GCNT2: variants seen among roughly 807,000 people sequenced by gnomAD.
GCNT2 encodes glucosaminyl (N-acetyl) transferase 2 (I blood group), also known as N-acetyllactosaminide beta-1,6-N-acetylglucosaminyl-transferase.
Under a neutral mutation model 34.2 loss-of-function variants are expected in GCNT2, and 34 were observed. The observed-to-expected ratio is 1.00, with a 90% confidence interval of 0.76 to 1.32. The LOEUF (loss-of-function observed/expected upper bound fraction) is 1.32, where lower values mean the gene tolerates loss of function less well. Among genes scored for constraint, GCNT2 ranks in the 40% most tolerant of loss-of-function variants. The pLI is 0.00. For missense variants in GCNT2, 584 were observed against 489.4 expected (o/e 1.19, Z -1.82); for synonymous variants, 212 against 188.0 (o/e 1.13, Z -1.04).
intron 3 of GCNT2, among the ~76,000 whole-genome samples, chr6:10,591,296 G>T (rs2127418734): frequency 6.6e-6 from 1 of 152,308 alleles, no homozygotes; most frequent in Admixed American, 6.5e-5. Context: ...GAATGTGCTG[G>T]AGAGTTCTGA....
At chr6:10,607,693 A>G (rs1765384049) in intron 3 of GCNT2, among the ~76,000 whole-genome samples, 1 of 111,018 alleles carries the variant, frequency 9.0e-6, no homozygotes, top group Admixed American at 8.9e-5. Flanking sequence ...CCTAACTTAC[A>G]GACATTTGGG....
chr6:10,534,139 CT>C (rs1165680323), intron 3 of GCNT2, among the ~76,000 whole-genome samples: 1 of 123,152 alleles, frequency 8.1e-6, no homozygotes, highest in Admixed American at 8.8e-5. Flanking sequence ...TTCCATGCTG[CT>C]CTTTTTTTTT....
At chr6:10,586,678 A>C (rs748518634) in intron 3 of GCNT2, 17 of 1,614,046 alleles carry the variant, frequency 1.1e-5, no homozygotes, top group Non-Finnish European at 1.4e-5. Context: ...AAGCGAACTA[A>C]ATATGTCCAC....
chr6:10,565,373 T>C (rs1301545155), intron 3 of GCNT2, among the ~76,000 whole-genome samples: 1 of 152,124 alleles, frequency 6.6e-6, no homozygotes, highest in African/African-American at 2.4e-5. Context: ...GGAGTCAAGC[T>C]GGTGGGATCA....
At chr6:10,535,747 C>T (rs1425377293) in intron 3 of GCNT2, among the ~76,000 whole-genome samples, 1 of 152,126 alleles carries the variant, frequency 6.6e-6, no homozygotes, top group Non-Finnish European at 1.5e-5. Context: ...ACAGCCTTTC[C>T]TGGGAGCAGG....
intron 3 of GCNT2, among the ~76,000 whole-genome samples, chr6:10,580,270 C>CGGGGGGG (rs1764011510): frequency 6.7e-6 from 1 of 150,092 alleles, no homozygotes; most frequent in African/African-American, 2.5e-5. Flanking sequence ...TGCCAGGGGT[C>CGGGGGGG]AGGGGGGTGG....
chr6:10,591,997 T>C (rs1244786174), intron 3 of GCNT2, among the ~76,000 whole-genome samples: 1 of 152,214 alleles, frequency 6.6e-6, no homozygotes, highest in Non-Finnish European at 1.5e-5. Flanking sequence ...TGAATTCAGT[T>C]TCTAGGACCA....
chr6:10,524,653 T>C (rs1761102764), intron 1 of GCNT2, among the ~76,000 whole-genome samples: 1 of 151,920 alleles, frequency 6.6e-6, no homozygotes. Flanking sequence ...GGTTGTCTTT[T>C]TGAAAAAGGA....
intron 3 of GCNT2, among the ~76,000 whole-genome samples, chr6:10,538,860 T>C (rs2113571421): frequency 6.6e-6 from 1 of 152,282 alleles, no homozygotes; most frequent in African/African-American, 2.4e-5. Context: ...AATATTCTGT[T>C]GCTCCTTTAG....
chr6:10,601,950 A>AC (rs1268968832), intron 3 of GCNT2, among the ~76,000 whole-genome samples: 1 of 148,962 alleles, frequency 6.7e-6, no homozygotes, highest in East Asian at 1.9e-4. Flanking sequence ...CAAGAAAAAA[A>AC]AAAAAAAAAA....
rs1211582798 is a variant in GCNT2 at position 10,578,445 on chromosome 6, C to CTTTTT, written c.926-42889_926-42885dup. ...TCCCTGTCTTCATGGAGCTTACATT[C>CTTTTT]TTTTTTTTTTTTTTTTTTTTTGAGA... On this transcript the variant is annotated intron_variant, in intron 3 of 4. Transcript: ENST00000495262. Among the ~76,000 whole-genome samples the CTTTTT allele has an allele frequency of 3.4e-3, 349 of 103,912 alleles. 5 individuals are homozygous for CTTTTT. The highest frequency in any genetic ancestry group is 4.3e-3 in the African/African-American group (107 of 24,652). 68.2% of individuals were successfully genotyped at this position (103,912 alleles called of 152,430 possible).
At chr6:10,526,762 A>G (rs1450629227) in intron 1 of GCNT2, among the ~76,000 whole-genome samples, 1 of 152,170 alleles carries the variant, frequency 6.6e-6, no homozygotes, top group African/African-American at 2.4e-5. Flanking sequence ...GGTAAATGAA[A>G]GTACAGGACG....
At chr6:10,597,308 A>T (rs947602033) in intron 3 of GCNT2, among the ~76,000 whole-genome samples, 4 of 151,856 alleles carry the variant, frequency 2.6e-5, no homozygotes, top group African/African-American at 9.7e-5. Context: ...GGTGTGCCCT[A>T]CCATGCCAGG....
At chr6:10,585,773 A>T (rs569693) in intron 3 of GCNT2, 1 of 1,422,644 alleles carries the variant, frequency 7.0e-7, no homozygotes, top group African/African-American at 1.4e-5. Flanking sequence ...GACCAAAGTG[A>T]GAGAGGGACG....
At chr6:10,620,267 C>T (rs752619666) in intron 3 of GCNT2, among the ~76,000 whole-genome samples, 2 of 152,164 alleles carry the variant, frequency 1.3e-5, no homozygotes, top group Non-Finnish European at 2.9e-5. Context: ...AATTTGGGTA[C>T]AGATAGCATT....
At chr6:10,549,048 C>T (rs941428324) in intron 3 of GCNT2, among the ~76,000 whole-genome samples, 10 of 152,296 alleles carry the variant, frequency 6.6e-5, no homozygotes, top group East Asian at 3.9e-4. Context: ...TGTGCCACCG[C>T]GCCCAGCGTG....
At chr6:10,560,548 G>A (rs1166740713) in intron 3 of GCNT2, among the ~76,000 whole-genome samples, 1 of 152,144 alleles carries the variant, frequency 6.6e-6, no homozygotes, top group African/African-American at 2.4e-5. Flanking sequence ...AAATTAAAAT[G>A]TGTTAGCAAG....
chr6:10,582,280 AT>A (rs1561816248), intron 3 of GCNT2, among the ~76,000 whole-genome samples: 2 of 113,136 alleles, frequency 1.8e-5, no homozygotes, highest in African/African-American at 3.6e-5. Context: ...AAATATATAA[AT>A]ATATATAATA....
chr6:10,571,377 C>T (rs1179747781), intron 3 of GCNT2, among the ~76,000 whole-genome samples: 2 of 151,978 alleles, frequency 1.3e-5, no homozygotes, highest in African/African-American at 2.4e-5. Flanking sequence ...GACAGAGTCC[C>T]GCTCTTGTTA....
Sources: allele counts gnomAD v4.1 joint callset (sites outside exome capture counted in the v4.1 genomes callset), GRCh38; gene constraint gnomAD v4.1.1; transcripts MANE v1.5; gene names NCBI Gene and HGNC (gene_info 2026-07-23, HGNC 2026-07-21).